MLIP: variants seen among roughly 807,000 people sequenced by gnomAD.
The protein encoded by MLIP is muscular LMNA interacting protein.
In MLIP, 79 loss-of-function variants were observed where a neutral mutation model predicts 84.8. The ratio of observed to expected loss-of-function variants is 0.93; its 90% confidence interval spans 0.78 to 1.12. The LOEUF (loss-of-function observed/expected upper bound fraction) is 1.12. Among genes scored for constraint, MLIP ranks in the 50% most tolerant of loss-of-function variants. MLIP has a pLI of 0.00. For missense variants in MLIP, 1,257 were observed against 1,160.6 expected (o/e 1.08, Z -1.21); for synonymous variants, 504 against 463.0 (o/e 1.09, Z -1.14).
chr6:54,102,393 G>A (rs1240703163), intron 1 of MLIP, among the ~76,000 whole-genome samples: 1 of 152,068 alleles, frequency 6.6e-6, no homozygotes, highest in Non-Finnish European at 1.5e-5. Context: ...GACAGACTAT[G>A]GTTGCCAACA....
At chr6:54,027,992 A>G (rs1763916191) in intron 1 of MLIP, among the ~76,000 whole-genome samples, 2 of 152,210 alleles carry the variant, frequency 1.3e-5, no homozygotes, top group African/African-American at 2.4e-5. Flanking sequence ...TTACAATTAT[A>G]TATCTAGTTG....
chr6:54,218,007 A>T, intron 11 of MLIP: 1 of 982,898 alleles, frequency 1.0e-6, no homozygotes, highest in Non-Finnish European at 1.2e-6. Flanking sequence ...AGCAAATCTC[A>T]AACAGGGGTC....
intron 3 of MLIP, among the ~76,000 whole-genome samples, chr6:54,128,420 CTAG>C (rs1196307850): frequency 6.6e-6 from 1 of 152,034 alleles, no homozygotes; most frequent in Non-Finnish European, 1.5e-5. Flanking sequence ...AATGAGAAAC[CTAG>C]GTGTCTTTTT....
At chr6:54,108,785 A>G (rs1041597745), upstream of MLIP, among the ~76,000 whole-genome samples, 6 of 152,196 alleles carry the variant, frequency 3.9e-5, no homozygotes, top group African/African-American at 1.4e-4. Flanking sequence ...TGATTATGCC[A>G]ACTTGCATAA....
chr6:54,218,115 T>C, intron 11 of MLIP: 1 of 402,734 alleles, frequency 2.5e-6, no homozygotes, highest in Non-Finnish European at 3.4e-6. Flanking sequence ...ATGTGTCACT[T>C]AAGAATGGGA....
intron 11 of MLIP, among the ~76,000 whole-genome samples, chr6:54,224,869 A>G (rs1188261950): frequency 6.6e-6 from 1 of 152,174 alleles, no homozygotes; most frequent in Non-Finnish European, 1.5e-5. Context: ...TTCACTTAGA[A>G]TAATAGTCTC....
In MLIP at chr6:54,121,739, T is replaced by C. The variant is rs1770473984; in HGVS notation, c.252+137T>C. 7 of 674,290 alleles carry C rather than the reference T, an allele frequency of 1.0e-5. No homozygotes were observed. The South Asian group carries it at 1.5e-4, about 14-fold the overall frequency. The allele number at this position is 674,290 out of a possible 1,614,324, so 41.8% of individuals were successfully genotyped here. On this transcript the variant is annotated intron_variant, in intron 2 of 13. Coordinates refer to ENST00000502396, the MANE Select transcript of MLIP (RefSeq NM_001281747.2). ...CTAAGTTTGACTAAAAATATAATAA[T>C]GCAACAGAAGCATAAATGTTATCAA...
At chr6:54,100,389 C>T (rs1020545104) in intron 1 of MLIP, among the ~76,000 whole-genome samples, 1 of 151,970 alleles carries the variant, frequency 6.6e-6, no homozygotes, top group African/African-American at 2.4e-5. Context: ...ATTTTAGTAA[C>T]TTGAAATTTT....
At chr6:54,054,756 G>A (rs1219311812) in intron 1 of MLIP, among the ~76,000 whole-genome samples, 1 of 152,158 alleles carries the variant, frequency 6.6e-6, no homozygotes, top group Non-Finnish European at 1.5e-5. Flanking sequence ...CTTGTATAAA[G>A]CATCTTTTCT....
chr6:54,086,706 C>A (rs1240397214), intron 1 of MLIP, among the ~76,000 whole-genome samples: 1 of 152,204 alleles, frequency 6.6e-6, no homozygotes, highest in Admixed American at 6.5e-5. Flanking sequence ...TTTCTCCAGC[C>A]ACACCAGCCT....
intron 1 of MLIP, among the ~76,000 whole-genome samples, chr6:54,033,643 G>A (rs1003508751): frequency 6.6e-6 from 1 of 152,018 alleles, no homozygotes; most frequent in African/African-American, 2.4e-5. Context: ...CCTGAATCCA[G>A]GTCTACTCTC....
At chr6:54,178,247 G>T (rs1776500935) in intron 9 of MLIP, among the ~76,000 whole-genome samples, 1 of 152,038 alleles carries the variant, frequency 6.6e-6, no homozygotes, top group Non-Finnish European at 1.5e-5. Context: ...AAAAAATTCT[G>T]TAGTTTCAGT....
At chr6:54,223,216 T>C (rs1022064916) in intron 11 of MLIP, among the ~76,000 whole-genome samples, 28 of 152,146 alleles carry the variant, frequency 1.8e-4, no homozygotes, top group African/African-American at 6.0e-4. Context: ...ATGTTCCCTT[T>C]GCTGTAGAGA....
intron 9 of MLIP, among the ~76,000 whole-genome samples, chr6:54,185,892 A>G (rs1473897418): frequency 6.6e-6 from 1 of 152,196 alleles, no homozygotes; most frequent in Non-Finnish European, 1.5e-5. Context: ...AAACACCATG[A>G]TGGATATTCT....
At chr6:54,215,560 GTTAAA>G (rs1358137738) in intron 11 of MLIP, 3 of 251,750 alleles carry the variant, frequency 1.2e-5, no homozygotes, top group South Asian at 1.3e-4. Context: ...GATTACCACA[GTTAAA>G]TTAATCAATG....
chr6:54,090,640 A>T (rs1184516641), intron 1 of MLIP, among the ~76,000 whole-genome samples: 3 of 148,392 alleles, frequency 2.0e-5, no homozygotes, highest in Non-Finnish European at 4.5e-5. Context: ...TATGTTAAGT[A>T]TTGTATCTGT....
chr6:54,223,946 T>A (rs1295952964), intron 11 of MLIP, among the ~76,000 whole-genome samples: 1 of 151,838 alleles, frequency 6.6e-6, no homozygotes, highest in African/African-American at 2.4e-5. Context: ...AAATTTATAA[T>A]GTAAAAATGC....
At chr6:54,053,870 T>C (rs1326943899) in intron 1 of MLIP, among the ~76,000 whole-genome samples, 1 of 152,196 alleles carries the variant, frequency 6.6e-6, no homozygotes, top group East Asian at 1.9e-4. Flanking sequence ...GCTAATATAA[T>C]AAATAATGCA....
At chr6:54,051,296 T>A (rs1765361298) in intron 1 of MLIP, among the ~76,000 whole-genome samples, 1 of 152,028 alleles carries the variant, frequency 6.6e-6, no homozygotes, top group Non-Finnish European at 1.5e-5. Context: ...TTTGAGTGCT[T>A]AGAATCAATG....
Sources: gnomAD v4.1 joint callset for allele counts (sites outside exome capture counted in the v4.1 genomes callset) on GRCh38, gnomAD v4.1.1 for gene constraint, MANE v1.5 for transcripts, NCBI Gene and HGNC (gene_info 2026-07-23, HGNC 2026-07-21) for gene names.